TMEM17: variants seen among roughly 807,000 people sequenced by gnomAD.
TMEM17 encodes transmembrane protein 17.
Under a neutral mutation model 19.1 loss-of-function variants are expected in TMEM17, and 15 were observed. The observed-to-expected ratio is 0.78, with a 90% confidence interval of 0.52 to 1.21. The LOEUF (loss-of-function observed/expected upper bound fraction) is 1.21. Among genes scored for constraint, TMEM17 ranks in the 50% most tolerant of loss-of-function variants. The pLI is 0.00. For missense variants in TMEM17, 245 were observed against 242.3 expected, an observed-to-expected ratio of 1.01 and a Z score of -0.07; for synonymous variants, 103 against 86.9, an observed-to-expected ratio of 1.19 and a Z score of -1.03.
intron 3 of TMEM17, 105 bp from the exon 4 acceptor site, chr2:62,501,592 T>G: frequency 1.8e-6 from 2 of 1,128,264 alleles, no homozygotes; most frequent in East Asian, 2.5e-5. Flanking sequence ...TTATGGGCTC[T>G]GTGAGTGATT....
chr2:62,475,230 G>A, the TMEM17 span, among the ~76,000 whole-genome samples: 5 of 152,206 alleles, frequency 3.3e-5, no homozygotes, highest in South Asian at 2.1e-4. Flanking sequence ...GGACAGACCC[G>A]GCAGGTCCTA....
intron 1 of TMEM17, 26 bp downstream of exon 1, chr2:62,506,004 C>A (rs374261147): frequency 6.3e-7 from 1 of 1,587,774 alleles, no homozygotes; most frequent in Non-Finnish European, 8.6e-7. Flanking sequence ...AGGCCACACC[C>A]CCTGCACCGG....
At chr2:62,475,858 ACAG>A in the TMEM17 span, among the ~76,000 whole-genome samples, 1 of 152,228 alleles carries the variant, frequency 6.6e-6, no homozygotes, top group African/African-American at 2.4e-5. Flanking sequence ...ATGCTGCTGA[ACAG>A]CAGAGAACAA....
At chr2:62,499,535 T>C (rs1241236389), downstream of TMEM17, among the ~76,000 whole-genome samples, 2 of 152,188 alleles carry the variant, frequency 1.3e-5, no homozygotes, top group East Asian at 3.8e-4. Flanking sequence ...GGGAGAAATA[T>C]TTGGCTGAAC....
chr2:62,506,060 G>A lies in TMEM17; in HGVS notation c.70C>T (p.Arg24Trp), dbSNP rs373057670. The A allele has an allele frequency of 4.3e-6, 7 of 1,610,846 alleles. No homozygotes were observed. The African/African-American group carries it at 5.4e-5, about 12-fold the overall frequency. The change falls in exon 1 of 4, where the codon CGG (arginine) becomes TGG (tryptophan). Residue 24 changes from arginine to tryptophan, a missense_variant. Coordinates refer to ENST00000335390, the MANE Select transcript of TMEM17 (RefSeq NM_198276.3). ...FSRAVFSDSNRTGPESNEGPE... is the reference protein window; with the variant it reads ...FSRAVFSDSNWTGPESNEGPE... ...CCCTCATTGGACTCTGGACCGGTCCGATTGGAATCACTGAACACGGCCCGG... is the reference window on the plus strand; with the variant it reads ...CCCTCATTGGACTCTGGACCGGTCCAATTGGAATCACTGAACACGGCCCGG...
the TMEM17 span, among the ~76,000 whole-genome samples, chr2:62,477,370 C>T: frequency 6.7e-6 from 1 of 150,248 alleles, no homozygotes; most frequent in Non-Finnish European, 1.5e-5. Flanking sequence ...GTACTCCAGC[C>T]TGGGCGACAG....
chr2:62,464,376 G>T, the TMEM17 span, among the ~76,000 whole-genome samples: 1 of 152,238 alleles, frequency 6.6e-6, no homozygotes, highest in South Asian at 2.1e-4. Context: ...GTGCACTCCA[G>T]TTCCCACCTC....
At chr2:62,483,958 A>G in the TMEM17 span, among the ~76,000 whole-genome samples, 1 of 152,164 alleles carries the variant, frequency 6.6e-6, no homozygotes, top group African/African-American at 2.4e-5. Flanking sequence ...CCTCACAAGG[A>G]AAGGAGAGTT....
downstream of TMEM17, among the ~76,000 whole-genome samples, chr2:62,499,901 A>G (rs11125924): frequency 0.29 from 43,900 of 152,134 alleles, 7,262 homozygotes; most frequent in Non-Finnish European, 0.35. Context: ...ATTCTCCTAA[A>G]ATAGATTTCT....
At chr2:62,466,955 C>T in the TMEM17 span, among the ~76,000 whole-genome samples, 67 of 152,104 alleles carry the variant, frequency 4.4e-4, no homozygotes, top group Admixed American at 2.0e-3. Flanking sequence ...TCCATGGCCC[C>T]GAGCCCTTAG....
chr2:62,478,344 G>A, the TMEM17 span, among the ~76,000 whole-genome samples: 2 of 152,178 alleles, frequency 1.3e-5, no homozygotes, highest in Non-Finnish European at 1.5e-5. Context: ...CTCAGGGAAG[G>A]GAGCAACATG....
the TMEM17 span, among the ~76,000 whole-genome samples, chr2:62,482,884 G>A: frequency 7.2e-5 from 11 of 152,140 alleles, no homozygotes; most frequent in African/African-American, 1.4e-4. Context: ...TTGGAGTTTC[G>A]TCAGTTGCTA....
the TMEM17 span, among the ~76,000 whole-genome samples, chr2:62,489,230 T>G: frequency 6.6e-6 from 1 of 152,256 alleles, no homozygotes; most frequent in Non-Finnish European, 1.5e-5. Context: ...GAAGGAATGT[T>G]TTCGTTGGAG....
intron 1 of TMEM17, among the ~76,000 whole-genome samples, chr2:62,504,335 A>C (rs1680010196): frequency 6.6e-6 from 1 of 152,226 alleles, no homozygotes; most frequent in Non-Finnish European, 1.5e-5. Flanking sequence ...AAAGCTGCGG[A>C]CATGGTAATG....
At chr2:62,464,614 C>T in the TMEM17 span, among the ~76,000 whole-genome samples, 1 of 152,178 alleles carries the variant, frequency 6.6e-6, no homozygotes. Flanking sequence ...CTAGACAGAG[C>T]CGATTTATCA....
chr2:62,500,926 T>A lies in TMEM17; in HGVS notation c.*283A>T, dbSNP rs1482092729. The A allele has an allele frequency of 7.3e-6, 2 of 275,108 alleles. No homozygotes were observed. Among genetic ancestry groups the A allele is most frequent in the Non-Finnish European group, 1.4e-5 (2 of 147,182 alleles). The allele number at this position is 275,108 out of a possible 1,614,324, so 17.0% of individuals were successfully genotyped here. A position where few individuals can be genotyped will look rare whatever the true frequency, so the allele number is the denominator to read the frequency against. ...GAAATGCTACGAGAGAGCTGGCAAA[T>A]GACAACCACCAATACATAGATTTCT... On this transcript the variant is annotated 3_prime_UTR_variant, in exon 4 of 4. Coordinates refer to ENST00000335390, the MANE Select transcript of TMEM17 (RefSeq NM_198276.3).
chr2:62,480,510 T>C, the TMEM17 span, among the ~76,000 whole-genome samples: 3 of 152,212 alleles, frequency 2.0e-5, no homozygotes, highest in Non-Finnish European at 4.4e-5. Flanking sequence ...TTCTAAGTTG[T>C]TTCCTCTATG....
At chr2:62,476,837 G>A in the TMEM17 span, among the ~76,000 whole-genome samples, 139 of 152,242 alleles carry the variant, frequency 9.1e-4, no homozygotes, top group African/African-American at 3.0e-3. Flanking sequence ...GCTGTGTATT[G>A]GACTTCCTGC....
downstream of TMEM17, among the ~76,000 whole-genome samples, chr2:62,496,849 G>T (rs76738976): frequency 0.02 from 2,999 of 152,326 alleles, 41 homozygotes; most frequent in Non-Finnish European, 0.03. Flanking sequence ...TGTAATCCCA[G>T]TACCTTAGGA....
Sources: gnomAD v4.1 joint callset for allele counts (sites outside exome capture counted in the v4.1 genomes callset) on GRCh38, gnomAD v4.1.1 for gene constraint, MANE v1.5 for transcripts, NCBI Gene and HGNC (gene_info 2026-07-23, HGNC 2026-07-21) for gene names.